The following TLK1 variants were observed in gnomAD, a reference collection of about 807,000 sequenced individuals.
The protein encoded by TLK1 is tousled like kinase 1.
TLK1 carries 24 observed loss-of-function variants against 105.3 expected under a neutral mutation model. The ratio of observed to expected loss-of-function variants is 0.23; its 90% CI spans 0.17 to 0.32. The LOEUF (loss-of-function observed/expected upper bound fraction) is 0.32. Among genes scored for constraint, TLK1 ranks in the 10% least tolerant of loss-of-function variants. The pLI is 1.00. For missense variants in TLK1, 558 were observed against 910.5 expected, an observed-to-expected ratio of 0.61 and a Z score of 4.98; for synonymous variants, 321 against 310.4, an observed-to-expected ratio of 1.03 and a Z score of -0.36.
chr2:171,152,183 A>G (rs1692068588), intron 1 of TLK1, among the ~76,000 whole-genome samples: 1 of 152,238 alleles, frequency 6.6e-6, no homozygotes, highest in African/African-American at 2.4e-5. Flanking sequence ...CAAATTTATG[A>G]GTATAACCAA....
chr2:171,195,391 T>A (rs904131384), intron 1 of TLK1, among the ~76,000 whole-genome samples: 1 of 150,656 alleles, frequency 6.6e-6, no homozygotes, highest in Non-Finnish European at 1.5e-5. Context: ...TAGTCCCAGC[T>A]ACTCCGGAGG....
In TLK1 at chr2:171,020,717, GCCAA is replaced by G. The variant is rs144630026; in HGVS notation, c.1237-5773_1237-5770del. ...TATGAACCAACCAAAATAAAAGCCA[GCCAA>G]CCAACCAACCAACCAACCAACCAAA... is the stretch of plus-strand genomic sequence containing the variant. On this transcript the variant is annotated intron_variant, in intron 12 of 20. Transcript: ENST00000431350. Among the ~76,000 whole-genome samples the G allele has an allele frequency of 6.6e-3, 996 of 151,870 alleles. 10 individuals are homozygous for G. Among genetic ancestry groups the G allele is most frequent in the African/African-American group, 0.021 (878 of 41,412 alleles).
intron 3 of TLK1, chr2:171,081,820 T>G: frequency 1.5e-6 from 1 of 658,072 alleles, no homozygotes; most frequent in Non-Finnish European, 2.4e-6. Flanking sequence ...TCTAGATGCT[T>G]TCAATAACAC....
intron 2 of TLK1, among the ~76,000 whole-genome samples, chr2:171,104,416 T>TA (rs1284590749): frequency 1.3e-5 from 2 of 150,960 alleles, no homozygotes; most frequent in African/African-American, 4.9e-5. Context: ...AAAGAGGACA[T>TA]AAAAAAATAG....
At chr2:171,226,527 C>T (rs1693899304) in intron 1 of TLK1, among the ~76,000 whole-genome samples, 1 of 152,150 alleles carries the variant, frequency 6.6e-6, no homozygotes, top group African/African-American at 2.4e-5. Flanking sequence ...GACTCCATGT[C>T]ACTGTACAGA....
At chr2:171,187,244 C>T (rs16859203) in intron 1 of TLK1, among the ~76,000 whole-genome samples, 13,053 of 151,966 alleles carry the variant, frequency 0.086, 1,151 homozygotes, top group East Asian at 0.29. Flanking sequence ...GTCTCCCTTG[C>T]ATTTTGGCAT....
intron 18 of TLK1, among the ~76,000 whole-genome samples, chr2:170,998,340 T>C (rs1462364123): frequency 6.6e-6 from 1 of 152,206 alleles, no homozygotes; most frequent in Non-Finnish European, 1.5e-5. Flanking sequence ...ACAAGACTCA[T>C]GCTAATCTGG....
Position 171,014,790 on chromosome 2 carries a change from T to A in TLK1, c.1334+61A>T, listed in dbSNP as rs559412073. The A allele has an allele frequency of 5.0e-6, 6 of 1,211,214 alleles. No individual in the cohort carries two copies. The African/African-American group carries it at 9.0e-5, about 18-fold the overall frequency. 75.0% of individuals were successfully genotyped at this position (1,211,214 alleles called of 1,614,324 possible). A position where few individuals can be genotyped will look rare whatever the true frequency, so the allele number is the denominator to read the frequency against. On this transcript the variant is annotated intron_variant, in intron 13 of 20. Coordinates refer to ENST00000431350, the MANE Select transcript of TLK1 (RefSeq NM_012290.5). The stretch of plus-strand genomic sequence containing the variant: ...CAAGAAGGAAATATTGTGTTTATGC[T>A]CTATGGGGGGCGGGGGTAGTTTTAA...
intron 2 of TLK1, among the ~76,000 whole-genome samples, chr2:171,100,085 T>G (rs969219163): frequency 6.6e-6 from 1 of 152,206 alleles, no homozygotes; most frequent in African/African-American, 2.4e-5. Context: ...AATTTTAAAA[T>G]GGGAAAAGGA....
chr2:171,150,445 ATG>A, intron 1 of TLK1, among the ~76,000 whole-genome samples: 1 of 152,288 alleles, frequency 6.6e-6, no homozygotes, highest in South Asian at 2.1e-4. Flanking sequence ...CATCCAATTC[ATG>A]TCATCTCAAG....
intron 1 of TLK1, among the ~76,000 whole-genome samples, chr2:171,180,966 T>C (rs1692919781): frequency 6.6e-6 from 1 of 152,100 alleles, no homozygotes; most frequent in South Asian, 2.1e-4. Flanking sequence ...ACTCTGATAA[T>C]AATGGTTGAG....
chr2:171,147,983 C>G (rs1691859547), intron 1 of TLK1, among the ~76,000 whole-genome samples: 1 of 151,446 alleles, frequency 6.6e-6, no homozygotes, highest in African/African-American at 2.4e-5. Context: ...ATCCGCCTCC[C>G]AGGTTCAAGC....
At chr2:171,094,734 G>C (rs1186480004) in intron 2 of TLK1, among the ~76,000 whole-genome samples, 1 of 151,978 alleles carries the variant, frequency 6.6e-6, no homozygotes, top group Non-Finnish European at 1.5e-5. Context: ...TCAGCCTCCC[G>C]AGTAGCTGCG....
intron 1 of TLK1, among the ~76,000 whole-genome samples, chr2:171,123,860 T>C (rs1308504434): frequency 6.6e-6 from 1 of 152,204 alleles, no homozygotes; most frequent in African/African-American, 2.4e-5. Flanking sequence ...AGACTGTATG[T>C]ATTTGTCTTT....
At chr2:171,031,248 C>T (rs1686031043) in intron 11 of TLK1, among the ~76,000 whole-genome samples, 1 of 152,036 alleles carries the variant, frequency 6.6e-6, no homozygotes, top group Non-Finnish European at 1.5e-5. Flanking sequence ...GTAGCTTCTT[C>T]GATAACCTCT....
intron 1 of TLK1, among the ~76,000 whole-genome samples, chr2:171,169,518 G>C (rs1407801620): frequency 6.6e-6 from 1 of 152,074 alleles, no homozygotes; most frequent in African/African-American, 2.4e-5. Context: ...TTGAATTCCT[G>C]GGTCAAGGAT....
At chr2:171,074,263 T>C (rs1688397518) in intron 3 of TLK1, among the ~76,000 whole-genome samples, 1 of 152,174 alleles carries the variant, frequency 6.6e-6, no homozygotes, top group Non-Finnish European at 1.5e-5. Flanking sequence ...TTTCAAGACA[T>C]CATTACTGTA....
chr2:171,087,112 C>T (rs1689014179), intron 2 of TLK1, among the ~76,000 whole-genome samples: 1 of 152,226 alleles, frequency 6.6e-6, no homozygotes, highest in East Asian at 1.9e-4. Context: ...GTGTCATTCA[C>T]AGCGTGGAGG....
At chr2:171,167,913 G>T (rs1247832352) in intron 1 of TLK1, among the ~76,000 whole-genome samples, 1 of 152,022 alleles carries the variant, frequency 6.6e-6, no homozygotes, top group African/African-American at 2.4e-5. Flanking sequence ...AATCAATAGT[G>T]TACCTCTTAA....
Sources: gnomAD v4.1 joint callset for allele counts (sites outside exome capture counted in the v4.1 genomes callset) on GRCh38, gnomAD v4.1.1 for gene constraint, MANE v1.5 for transcripts, NCBI Gene and HGNC (gene_info 2026-07-23, HGNC 2026-07-21) for gene names.